The following STK39 variants were observed in gnomAD, a reference collection of about 807,000 sequenced individuals.
STK39 encodes STE20/SPS1-related proline-alanine-rich protein kinase.
In STK39, 20 loss-of-function variants were observed where a neutral mutation model predicts 77.8. The ratio of observed to expected loss-of-function variants is 0.26; its 90% CI spans 0.18 to 0.37. The LOEUF (loss-of-function observed/expected upper bound fraction) is 0.37. STK39 is among the 10% of genes least tolerant of loss of function. The probability of loss-of-function intolerance (pLI) is 1.00; values close to 1 mark genes in which losing one functional copy is unlikely to be tolerated. For missense variants in STK39, 479 were observed against 656.5 expected (o/e 0.73, Z 2.95); for synonymous variants, 246 against 234.1 (o/e 1.05, Z -0.47).
At chr2:168,172,959 G>A (rs375208097) in intron 2 of STK39, among the ~76,000 whole-genome samples, 5 of 152,222 alleles carry the variant, frequency 3.3e-5, no homozygotes, top group African/African-American at 4.8e-5. Context: ...CCTGAGTCCC[G>A]GCCCCAGGGA....
chr2:168,017,009 A>G (rs1684427597), intron 15 of STK39, 34 bp downstream of exon 15: 2 of 1,538,234 alleles, frequency 1.3e-6, no homozygotes. Context: ...ATGCTCTTTG[A>G]GGCAATAAAA....
At chr2:168,041,488 A>C (rs373521649) in intron 14 of STK39, among the ~76,000 whole-genome samples, 1 of 151,806 alleles carries the variant, frequency 6.6e-6, no homozygotes, top group African/African-American at 2.4e-5. Context: ...AAAATGCATG[A>C]TCTATCCCCA....
At chr2:168,225,914 C>T (rs1267139971) in intron 1 of STK39, among the ~76,000 whole-genome samples, 1 of 152,036 alleles carries the variant, frequency 6.6e-6, no homozygotes, top group Non-Finnish European at 1.5e-5. Flanking sequence ...TGAAGGGACT[C>T]ACTAAAAACT....
intron 8 of STK39, among the ~76,000 whole-genome samples, chr2:168,132,510 G>C (rs1035066260): frequency 6.6e-6 from 1 of 152,066 alleles, no homozygotes; most frequent in Non-Finnish European, 1.5e-5. Flanking sequence ...CACACCCGCC[G>C]GAGATGCCAC....
intron 14 of STK39, among the ~76,000 whole-genome samples, chr2:168,024,771 A>G (rs181946527): frequency 4.1e-4 from 62 of 152,320 alleles, no homozygotes; most frequent in South Asian, 2.1e-3. Flanking sequence ...TCTCAGTCCA[A>G]ACTCAAAGCA....
intron 14 of STK39, among the ~76,000 whole-genome samples, chr2:168,056,991 T>G (rs1277193301): frequency 6.6e-6 from 1 of 152,118 alleles, no homozygotes; most frequent in Non-Finnish European, 1.5e-5. Context: ...TCAAAGAGCT[T>G]GTAACTTCAA....
chr2:168,196,589 G>T (rs920384917), intron 1 of STK39, among the ~76,000 whole-genome samples: 5 of 152,240 alleles, frequency 3.3e-5, no homozygotes, highest in African/African-American at 1.2e-4. Flanking sequence ...CTGGGAGGCA[G>T]AGGTTGCAGT....
At chr2:168,116,837 CATG>C (rs1687272691) in intron 10 of STK39, among the ~76,000 whole-genome samples, 1 of 152,180 alleles carries the variant, frequency 6.6e-6, no homozygotes, top group South Asian at 2.1e-4. Flanking sequence ...CTTGCAGGAT[CATG>C]ATATAAAAAG....
At chr2:168,067,128 G>A (rs57290981) in intron 12 of STK39, among the ~76,000 whole-genome samples, 11,630 of 152,192 alleles carry the variant, frequency 0.076, 710 homozygotes, top group East Asian at 0.19. Context: ...AGGCTGAGGC[G>A]CAAGAATCAC....
intron 16 of STK39, among the ~76,000 whole-genome samples, chr2:168,004,881 C>T (rs536540547): frequency 2.5e-4 from 38 of 152,006 alleles, no homozygotes; most frequent in African/African-American, 8.7e-4. Context: ...TGGGCTGGAA[C>T]CCAGAAACGT....
At chr2:167,983,456 A>G (rs914189267) in intron 16 of STK39, among the ~76,000 whole-genome samples, 2 of 96,032 alleles carry the variant, frequency 2.1e-5, no homozygotes, top group African/African-American at 8.8e-5. Context: ...CTCCATCCAA[A>G]AAAAAAAAAA....
At chr2:168,009,051 T>C (rs146326643) in intron 16 of STK39, among the ~76,000 whole-genome samples, 58 of 151,854 alleles carry the variant, frequency 3.8e-4, no homozygotes, top group African/African-American at 1.4e-3. Flanking sequence ...ACAATTTGAG[T>C]GGAGTAGGAA....
chr2:168,073,854 G>A (rs910569210), intron 12 of STK39, among the ~76,000 whole-genome samples: 6 of 152,118 alleles, frequency 3.9e-5, no homozygotes, highest in African/African-American at 1.4e-4. Flanking sequence ...CTGACCTCAC[G>A]TGATCCACCC....
intron 14 of STK39, among the ~76,000 whole-genome samples, chr2:168,019,295 G>A (rs559332019): frequency 1.4e-4 from 22 of 152,324 alleles, no homozygotes; most frequent in African/African-American, 4.8e-4. Flanking sequence ...CTGAGAGAGA[G>A]AGACCACATT....
chr2:168,186,161 AAT>A (rs952506915), intron 1 of STK39, among the ~76,000 whole-genome samples: 7 of 152,308 alleles, frequency 4.6e-5, no homozygotes, highest in Admixed American at 3.9e-4. Context: ...AAAAAGAGAC[AAT>A]AGAGAGCTTA....
intron 2 of STK39, among the ~76,000 whole-genome samples, chr2:168,168,949 C>T (rs548646010): frequency 6.6e-6 from 1 of 152,182 alleles, no homozygotes; most frequent in East Asian, 1.9e-4. Context: ...TGCCACTGGA[C>T]TCCAGCCTGA....
At chr2:168,102,736 T>C (rs1446449215) in intron 10 of STK39, among the ~76,000 whole-genome samples, 1 of 152,042 alleles carries the variant, frequency 6.6e-6, no homozygotes, top group Non-Finnish European at 1.5e-5. Context: ...GAGACCTTCC[T>C]GGCTAACACG....
chr2:167,986,252 A>C (rs182559868), intron 16 of STK39, among the ~76,000 whole-genome samples: 3 of 152,308 alleles, frequency 2.0e-5, no homozygotes, highest in Non-Finnish European at 1.5e-5. Context: ...TATTTGAAAG[A>C]ACGACAGGAG....
chr2:167,969,597 C>A (rs1006796008), intron 16 of STK39, among the ~76,000 whole-genome samples: 2 of 152,156 alleles, frequency 1.3e-5, no homozygotes, highest in Non-Finnish European at 2.9e-5. Context: ...CTCTGAAAAC[C>A]CAGAAAAAAT....
Sources: gnomAD v4.1 joint callset for allele counts (sites outside exome capture counted in the v4.1 genomes callset) on GRCh38, gnomAD v4.1.1 for gene constraint, MANE v1.5 for transcripts, NCBI Gene and HGNC (gene_info 2026-07-23, HGNC 2026-07-21) for gene names.